ZNF804A: variants seen among roughly 807,000 people sequenced by gnomAD.
ZNF804A encodes zinc finger protein 804A.
Under a neutral mutation model 16.5 loss-of-function variants are expected in ZNF804A, and 2 were observed. The observed-to-expected ratio is 0.12, with a 90% CI of 0.05 to 0.38. ZNF804A has a LOEUF of 0.38. ZNF804A is among the 10% of genes least tolerant of loss of function. The probability of loss-of-function intolerance (pLI) is 0.99; values close to 1 mark genes in which losing one functional copy is unlikely to be tolerated. For synonymous variants in ZNF804A, 534 were observed against 489.6 expected, an observed-to-expected ratio of 1.09 and a Z score of -1.20; for missense variants, 1,473 against 1,390.7, an observed-to-expected ratio of 1.06 and a Z score of -0.94.
In ZNF804A at chr2:184,611,522, C is replaced by T. The variant is rs577227782; in HGVS notation, c.111+12452C>T. Among the ~76,000 whole-genome samples the T allele has an allele frequency of 3.9e-5, 6 of 152,112 alleles. No individual in the cohort carries two copies. In the South Asian group the frequency reaches 6.2e-4, roughly 16 times the overall value. ...TCATTGCTGTGACTCATAAAGTTCA[C>T]GAAACAATGGGAAGCTTGCTCTTTT... On this transcript the variant is annotated intron_variant, in intron 1 of 3. Coordinates refer to ENST00000302277, the MANE Select transcript of ZNF804A (RefSeq NM_194250.2).
Position 184,937,486 on chromosome 2 carries a change from C to CAAT in ZNF804A, c.2092_2094dup (p.Ile698dup), listed in dbSNP as rs386392053. 2 of 1,611,926 alleles carry CAAT rather than the reference C, an allele frequency of 1.2e-6. No homozygotes were observed. The highest frequency in any genetic ancestry group is 1.7e-6 in the Non-Finnish European group (2 of 1,178,896). On this transcript the variant is annotated inframe_insertion, in exon 4 of 4. Transcript: ENST00000302277. ...TCTAAAAACCACTGTAAAAAGAACA[C>CAAT]AATACTTTTAAATGGACAATCAAAT...
chr2:184,793,064 G>A (rs1694574406), intron 1 of ZNF804A, among the ~76,000 whole-genome samples: 1 of 152,030 alleles, frequency 6.6e-6, no homozygotes, highest in Non-Finnish European at 1.5e-5. Context: ...TAGGATTGTG[G>A]CTTCCAGCTC....
At chr2:184,668,743 T>G (rs1692293147) in intron 1 of ZNF804A, among the ~76,000 whole-genome samples, 1 of 152,042 alleles carries the variant, frequency 6.6e-6, no homozygotes, top group Non-Finnish European at 1.5e-5. Context: ...TGAAGTGGCT[T>G]ATTATATATT....
intron 1 of ZNF804A, among the ~76,000 whole-genome samples, chr2:184,651,067 A>G (rs1691975369): frequency 6.6e-6 from 1 of 152,158 alleles, no homozygotes; most frequent in South Asian, 2.1e-4. Flanking sequence ...TTATAGCCAA[A>G]ACAGCATGGT....
intron 2 of ZNF804A, among the ~76,000 whole-genome samples, chr2:184,866,719 C>A (rs1224778344): frequency 6.8e-6 from 1 of 147,802 alleles, no homozygotes; most frequent in African/African-American, 2.5e-5. Context: ...ATAGCAAAGT[C>A]TGAAATAATC....
At chr2:184,665,149 G>T (rs1692237195) in intron 1 of ZNF804A, among the ~76,000 whole-genome samples, 1 of 152,046 alleles carries the variant, frequency 6.6e-6, no homozygotes, top group Non-Finnish European at 1.5e-5. Flanking sequence ...TTAAAATACT[G>T]CAGGCAACAC....
intron 1 of ZNF804A, among the ~76,000 whole-genome samples, chr2:184,797,489 T>A (rs1358973290): frequency 6.6e-6 from 1 of 152,146 alleles, no homozygotes; most frequent in Admixed American, 6.6e-5. Context: ...AATGCCTTTT[T>A]TCTTCCCTTT....
intron 1 of ZNF804A, among the ~76,000 whole-genome samples, chr2:184,601,393 T>C (rs184472917): frequency 5.8e-4 from 88 of 152,118 alleles, no homozygotes; most frequent in African/African-American, 2.0e-3. Context: ...TGCTAAAACA[T>C]ACTGTCACTT....
chr2:184,875,564 A>G (rs1445289982), intron 2 of ZNF804A, among the ~76,000 whole-genome samples: 1 of 152,104 alleles, frequency 6.6e-6, no homozygotes, highest in Non-Finnish European at 1.5e-5. Context: ...TGTGAGCCAA[A>G]TCAGCCTCTT....
intron 2 of ZNF804A, among the ~76,000 whole-genome samples, chr2:184,911,026 G>T (rs1170887408): frequency 6.6e-6 from 1 of 151,838 alleles, no homozygotes; most frequent in Non-Finnish European, 1.5e-5. Flanking sequence ...TTATTTTTGA[G>T]GACTTAGTCA....
At chr2:184,932,951 A>T (rs994019470) in intron 2 of ZNF804A, among the ~76,000 whole-genome samples, 1 of 152,140 alleles carries the variant, frequency 6.6e-6, no homozygotes, top group Non-Finnish European at 1.5e-5. Flanking sequence ...CAATATCTTG[A>T]ATTATTCTGG....
chr2:184,751,619 C>CAA (rs1484459402), intron 1 of ZNF804A, among the ~76,000 whole-genome samples: 1 of 150,428 alleles, frequency 6.6e-6, no homozygotes, highest in Non-Finnish European at 1.5e-5. Context: ...TGCAATGAAG[C>CAA]AAAGATAGAC....
chr2:184,794,443 G>C (rs189060169), intron 1 of ZNF804A, among the ~76,000 whole-genome samples: 32 of 151,962 alleles, frequency 2.1e-4, no homozygotes, highest in Non-Finnish European at 3.4e-4. Flanking sequence ...TTGCTAATTC[G>C]TTTGAGTTCA....
chr2:184,822,054 A>G (rs180942345), intron 1 of ZNF804A, among the ~76,000 whole-genome samples: 15 of 152,280 alleles, frequency 9.9e-5, no homozygotes, highest in Admixed American at 3.9e-4. Flanking sequence ...CAGCAATTCC[A>G]TTACTTGTTG....
intron 1 of ZNF804A, among the ~76,000 whole-genome samples, chr2:184,786,323 T>C (rs567071000): frequency 2.6e-5 from 4 of 152,120 alleles, no homozygotes; most frequent in African/African-American, 9.6e-5. Flanking sequence ...TTAAAAAAAT[T>C]GAAACATTTT....
intron 1 of ZNF804A, among the ~76,000 whole-genome samples, chr2:184,712,737 C>T (rs1019121500): frequency 3.3e-5 from 5 of 151,520 alleles, no homozygotes; most frequent in African/African-American, 1.2e-4. Flanking sequence ...TTTTGTTTCT[C>T]TTATAATTTC....
chr2:184,938,703 T>TTGCAGCAGCACGCTGCAGCTGC lies in ZNF804A; in HGVS notation c.3314_3335dup (p.Ala1114ArgfsTer17). The stretch of plus-strand genomic sequence containing the variant: ...TGTAACCACTATCCATCACACTGTT[T>TTGCAGCAGCACGCTGCAGCTGC]TGCAGCAGCACGCTGCAGCTGCTGC... On this transcript the variant is annotated frameshift_variant, in exon 4 of 4. Coordinates refer to ENST00000302277, the MANE Select transcript of ZNF804A (RefSeq NM_194250.2). LOFTEE classifies it low-confidence loss of function (END_TRUNC). The TTGCAGCAGCACGCTGCAGCTGC allele has an allele frequency of 3.1e-6, 5 of 1,613,596 alleles. No homozygotes were observed. Among genetic ancestry groups the TTGCAGCAGCACGCTGCAGCTGC allele is most frequent in the Non-Finnish European group, 4.2e-6 (5 of 1,179,786 alleles).
At chr2:184,750,273 G>C (rs1055786198) in intron 1 of ZNF804A, among the ~76,000 whole-genome samples, 7 of 151,222 alleles carry the variant, frequency 4.6e-5, no homozygotes, top group Non-Finnish European at 8.9e-5. Context: ...TAACCAAGTT[G>C]CCAGACTCAC....
rs1286094506 is a variant in ZNF804A at position 184,881,284 on chromosome 2, C to T, written c.255+14772C>T. ...ATGTGATTATGTGAAGAAACCAAGTCTGTCACTCACTGGCGTCCCTGAAAG... is the reference window on the plus strand; with the variant it reads ...ATGTGATTATGTGAAGAAACCAAGTTTGTCACTCACTGGCGTCCCTGAAAG... On this transcript the variant is annotated intron_variant, in intron 2 of 3. Coordinates refer to ENST00000302277, the MANE Select transcript of ZNF804A (RefSeq NM_194250.2). Among the ~76,000 whole-genome samples, 4 of 152,106 alleles carry T rather than the reference C, an allele frequency of 2.6e-5. No individual in the cohort carries two copies. The East Asian group carries it at 7.7e-4, about 29-fold the overall frequency.
Sources: gnomAD v4.1 joint callset for allele counts (sites outside exome capture counted in the v4.1 genomes callset) on GRCh38, gnomAD v4.1.1 for gene constraint, MANE v1.5 for transcripts, NCBI Gene and HGNC (gene_info 2026-07-23, HGNC 2026-07-21) for gene names.